Variants in IMPA1 observed in about 807,000 individuals in gnomAD.
IMPA1 encodes inositol monophosphatase 1.
A neutral mutation model predicts 34.9 loss-of-function variants in IMPA1; 21 were observed. The observed-to-expected ratio is 0.60, with a 90% CI of 0.43 to 0.87. IMPA1 has a LOEUF of 0.87. Among genes scored for constraint, IMPA1 ranks in the 40% least tolerant of loss-of-function variants. The pLI, the probability that IMPA1 is intolerant of heterozygous loss-of-function variation, is 0.00. For missense variants in IMPA1, 299 were observed against 336.4 expected (o/e 0.89, Z 0.87); for synonymous variants, 95 against 104.4 (o/e 0.91, Z 0.55).
At chr8:81,671,317 A>G (rs960791754) in intron 6 of IMPA1, among the ~76,000 whole-genome samples, 2 of 152,154 alleles carry the variant, frequency 1.3e-5, no homozygotes. Context: ...CAAATGTCTT[A>G]AATATTTAAA....
At chr8:81,686,157 G>T in intron 1 of IMPA1, 95 bp downstream of exon 1, 1 of 896,250 alleles carries the variant, frequency 1.1e-6, no homozygotes, top group Non-Finnish European at 1.4e-6. Context: ...CGCGCACGGC[G>T]CTCGCGCCCG....
At chr8:81,683,134 T>C (rs1807349015) in intron 1 of IMPA1, among the ~76,000 whole-genome samples, 1 of 152,158 alleles carries the variant, frequency 6.6e-6, no homozygotes, top group African/African-American at 2.4e-5. Flanking sequence ...AACTGCAGGA[T>C]GCCTGGTACA....
chr8:81,660,433 A>G (rs1256789273), intron 8 of IMPA1, 83 bp downstream of exon 8: 25 of 1,237,884 alleles, frequency 2.0e-5, no homozygotes, highest in Non-Finnish European at 3.5e-6. Context: ...AGTATAACAT[A>G]TATCAAAAAG....
intron 6 of IMPA1, among the ~76,000 whole-genome samples, chr8:81,673,174 G>C (rs944128074): frequency 6.6e-6 from 1 of 152,176 alleles, no homozygotes; most frequent in Admixed American, 6.5e-5. Flanking sequence ...TAGACTGATA[G>C]CTTATCTTCA....
rs867958904 is a variant in IMPA1 at position 81,681,703 on chromosome 8, T to C, written c.-24-119A>G. The C allele has an allele frequency of 3.5e-5, 22 of 631,130 alleles. No homozygotes were observed. In the Middle Eastern group the frequency reaches 7.4e-4, roughly 21 times the overall value. 39.1% of individuals were successfully genotyped at this position (631,130 alleles called of 1,614,324 possible). A position where few individuals can be genotyped will look rare whatever the true frequency, so the allele number is the denominator to read the frequency against. ...GATTCACCCCCTGCCCTAGAGTTTT[T>C]CCCAAGATTTATGCCTATACCCAGT... On this transcript the variant is annotated intron_variant, in intron 1 of 8. Coordinates refer to ENST00000256108, the MANE Select transcript of IMPA1 (RefSeq NM_005536.4).
At chr8:81,664,983 T>C (rs79465134) in intron 7 of IMPA1, among the ~76,000 whole-genome samples, 2,253 of 150,606 alleles carry the variant, frequency 0.015, 50 homozygotes, top group African/African-American at 0.051. Context: ...CCAGCAGGTA[T>C]TCATAAAAGA....
rs775410099 is a variant in IMPA1, at chr8:81,659,276, T to A, written c.*75A>T. 1 of 836,270 alleles carries A rather than the reference T, an allele frequency of 1.2e-6. No homozygotes were observed. Among genetic ancestry groups the A allele is most frequent in the Non-Finnish European group, 2.1e-6 (1 of 478,436 alleles). 51.8% of individuals were successfully genotyped at this position (836,270 alleles called of 1,614,324 possible). On this transcript the variant is annotated 3_prime_UTR_variant, in exon 9 of 9. Transcript: ENST00000256108. ...GAATTTAAACCAAGCATATCATACA[T>A]CCAAAACACATATCCATTGATGAGT... is the stretch of plus-strand genomic sequence containing the variant.
Position 81,658,891 on chromosome 8 carries a change from T to C in IMPA1, c.*460A>G, listed in dbSNP as rs1806588402. 1 of 156,152 alleles carries C rather than the reference T, an allele frequency of 6.4e-6. No homozygotes were observed. Among genetic ancestry groups the C allele is most frequent in the African/African-American group, 2.4e-5 (1 of 41,476 alleles). 9.7% of individuals were successfully genotyped at this position (156,152 alleles called of 1,614,324 possible). A position where few individuals can be genotyped will look rare whatever the true frequency, so the allele number is the denominator to read the frequency against. On this transcript the variant is annotated 3_prime_UTR_variant, in exon 9 of 9. Transcript: ENST00000256108. Reference sequence around the variant, plus strand: ...GAAGAATAAAACAAAAAAGGTTCTCTGCAAAGAAAAAAAAGTTGGCCTAGG... The same window carrying C: ...GAAGAATAAAACAAAAAAGGTTCTCCGCAAAGAAAAAAAAGTTGGCCTAGG...
intron 6 of IMPA1, among the ~76,000 whole-genome samples, chr8:81,671,541 T>C (rs1806988826): frequency 6.6e-6 from 1 of 152,172 alleles, no homozygotes; most frequent in South Asian, 2.1e-4. Flanking sequence ...CCAATGGAGA[T>C]GTATGTTCAC....
chr8:81,670,841 G>GTA, intron 7 of IMPA1, 98 bp downstream of exon 7: 1 of 590,338 alleles, frequency 1.7e-6, no homozygotes, highest in Non-Finnish European at 3.0e-6. Flanking sequence ...AAACCATGAT[G>GTA]TATATAATTT....
intron 7 of IMPA1, among the ~76,000 whole-genome samples, chr8:81,670,291 C>T (rs955557847): frequency 2.0e-5 from 3 of 151,592 alleles, no homozygotes; most frequent in East Asian, 3.9e-4. Flanking sequence ...AAACAATGAT[C>T]AGATGAAATT....
chr8:81,680,729 C>G lies in IMPA1; in HGVS notation c.118G>C (p.Val40Leu), dbSNP rs1585903191. 6.2e-7 allele frequency: 1 copy of G among 1,611,450 alleles called. No homozygotes were observed. Among genetic ancestry groups the G allele is most frequent in the East Asian group, 2.2e-5 (1 of 44,852 alleles). Residue 40 changes from valine (V) to leucine (L), a missense_variant, in exon 3 of 9, where the codon GTT becomes CTT. Val to Leu is a conservative substitution (Grantham distance 32). Coordinates refer to ENST00000256108, the MANE Select transcript of IMPA1 (RefSeq NM_005536.4). Reference protein sequence around the residue: ...EMNVMLKSSPVDLVTATDQKV... With the variant: ...EMNVMLKSSPLDLVTATDQKV... ...TGGTCCGTAGCAGTTACCAAATCAA[C>G]TGGAGAACTTTTCAGCATAACATTC...
At chr8:81,666,249 A>G (rs995427101) in intron 7 of IMPA1, among the ~76,000 whole-genome samples, 1 of 152,188 alleles carries the variant, frequency 6.6e-6, no homozygotes. Context: ...GTTGTATTAC[A>G]AAAGAAACCT....
intron 6 of IMPA1, among the ~76,000 whole-genome samples, chr8:81,671,802 CAGG>C (rs543971946): frequency 5.3e-4 from 81 of 152,156 alleles, no homozygotes; most frequent in African/African-American, 1.9e-3. Flanking sequence ...GAGGCTGAGG[CAGG>C]AGAATAGCTT....
At chr8:81,665,844 C>CTA (rs1051282857) in intron 7 of IMPA1, among the ~76,000 whole-genome samples, 2 of 152,188 alleles carry the variant, frequency 1.3e-5, no homozygotes, top group African/African-American at 2.4e-5. Context: ...ATTAAGGATA[C>CTA]TATATCCAGC....
rs141588954 is a variant in IMPA1 at position 81,662,904 on chromosome 8, T to C, written c.567-2237A>G. Among the ~76,000 whole-genome samples the C allele has an allele frequency of 2.1e-3, 318 of 152,328 alleles. 1 individual carries two copies. The highest frequency in any genetic ancestry group is 7.4e-3 in the African/African-American group (307 of 41,578). On this transcript the variant is annotated intron_variant, in intron 7 of 8. Coordinates refer to ENST00000256108, the MANE Select transcript of IMPA1 (RefSeq NM_005536.4). ...AGGAAATTGATCCAGAATAACGTAC[T>C]TTGCCTCATAAATGTTGGTTCTTAG...
chr8:81,680,680 G>A lies in IMPA1; in HGVS notation c.167C>T (p.Ser56Phe), dbSNP rs781469946. 1 of 1,612,114 alleles carries A rather than the reference G, an allele frequency of 6.2e-7. No homozygotes were observed. The highest frequency in any genetic ancestry group is 1.3e-5 in the African/African-American group (1 of 74,974). ...AGATGGATACTTTTCCTTTATGGAA[G>A]AGATAAGCATTTTTTCAACTTTTTG... ...TDQKVEKMLISSIKEKYPSHS... is the reference protein window; with the variant it reads ...TDQKVEKMLIFSIKEKYPSHS... The change falls in exon 3 of 9, where the codon TCT becomes TTT. Residue 56 changes from serine to phenylalanine, a missense_variant. Transcript: ENST00000256108.
chr8:81,685,702 T>C (rs117579422), intron 1 of IMPA1: 40,795 of 753,868 alleles, frequency 0.054, 1,389 homozygotes, highest in Middle Eastern at 0.06. Flanking sequence ...AATATATGAA[T>C]AGTTATATAT....
chr8:81,669,292 T>C (rs968658264), intron 7 of IMPA1, among the ~76,000 whole-genome samples: 26 of 151,580 alleles, frequency 1.7e-4, no homozygotes, highest in Non-Finnish European at 2.9e-4. Flanking sequence ...AACTGTGGAG[T>C]CACCAGCAGC....
Sources: gnomAD v4.1 joint callset for allele counts (sites outside exome capture counted in the v4.1 genomes callset) on GRCh38, gnomAD v4.1.1 for gene constraint, MANE v1.5 for transcripts, NCBI Gene and HGNC (gene_info 2026-07-23, HGNC 2026-07-21) for gene names.